The following ARHGEF3 variants were observed in gnomAD, a reference collection of about 807,000 sequenced individuals.
The protein encoded by ARHGEF3 is Rho guanine nucleotide exchange factor 3, also known as 59.8 kDA protein.
Under a neutral mutation model 63.2 loss-of-function variants are expected in ARHGEF3, and 28 were observed. The observed-to-expected ratio is 0.44, with a 90% CI of 0.33 to 0.61. The LOEUF (loss-of-function observed/expected upper bound fraction) is 0.61, where lower values mean the gene tolerates loss of function less well. Among genes scored for constraint, ARHGEF3 ranks in the 20% least tolerant of loss-of-function variants. The pLI, the probability that ARHGEF3 is intolerant of heterozygous loss-of-function variation, is 0.03. For missense variants in ARHGEF3, 533 were observed against 659.3 expected (o/e 0.81, Z 2.10); for synonymous variants, 266 against 254.2 (o/e 1.05, Z -0.44).
At chr3:57,065,879 C>T (rs1433304399) in intron 1 of ARHGEF3, among the ~76,000 whole-genome samples, 1 of 152,080 alleles carries the variant, frequency 6.6e-6, no homozygotes, top group Non-Finnish European at 1.5e-5. Flanking sequence ...ATAAATGGCA[C>T]CTTTTACTTA....
At chr3:57,036,930 C>T (rs1286355457) in intron 1 of ARHGEF3, among the ~76,000 whole-genome samples, 5 of 152,200 alleles carry the variant, frequency 3.3e-5, no homozygotes, top group Non-Finnish European at 7.3e-5. Flanking sequence ...GATAAATTCT[C>T]CAATCTAGGT....
At chr3:56,784,660 C>T (rs920236546) in intron 1 of ARHGEF3, among the ~76,000 whole-genome samples, 6 of 152,200 alleles carry the variant, frequency 3.9e-5, no homozygotes, top group African/African-American at 1.4e-4. Context: ...ACTGGAGTTC[C>T]ATTCCTGCTT....
At chr3:56,981,867 C>T (rs778838048) in intron 2 of ARHGEF3, among the ~76,000 whole-genome samples, 13 of 152,188 alleles carry the variant, frequency 8.5e-5, no homozygotes, top group Non-Finnish European at 1.8e-4. Flanking sequence ...AGTCCCCATT[C>T]TTCTGCTAAC....
At position 56,895,377 on chromosome 3, in the gene ARHGEF3, C is replaced by T. The variant is rs529274900; in HGVS notation, c.130-13023G>A. On this transcript the variant is annotated intron_variant, in intron 3 of 12. Coordinates refer to the ARHGEF3 transcript ENST00000338458. ...CCTTTGTCATAGAAATGGTCCATGG[C>T]TGCTCCCGAGGCTCCAGTTGCCTCC... Among the ~76,000 whole-genome samples the T allele has an allele frequency of 3.9e-5, 6 of 152,290 alleles. No individual in the cohort carries two copies. The East Asian group carries it at 1.2e-3, about 29-fold the overall frequency.
intron 1 of ARHGEF3, among the ~76,000 whole-genome samples, chr3:57,035,650 G>A (rs1488367568): frequency 6.6e-6 from 1 of 152,186 alleles, no homozygotes; most frequent in Non-Finnish European, 1.5e-5. Flanking sequence ...CGCTCCGCCA[G>A]GTACCACATT....
At chr3:56,907,226 C>T (rs969448806) in intron 3 of ARHGEF3, among the ~76,000 whole-genome samples, 1 of 152,098 alleles carries the variant, frequency 6.6e-6, no homozygotes, top group African/African-American at 2.4e-5. Context: ...GGTGATCCAC[C>T]CGCCTCAGTC....
At chr3:56,884,437 G>T (rs1156261636) in intron 3 of ARHGEF3, among the ~76,000 whole-genome samples, 3 of 152,166 alleles carry the variant, frequency 2.0e-5, no homozygotes, top group Non-Finnish European at 4.4e-5. Flanking sequence ...AAATTCCAAA[G>T]GTCAATATGG....
chr3:57,057,603 T>A (rs1385322432), intron 1 of ARHGEF3, among the ~76,000 whole-genome samples: 2 of 151,816 alleles, frequency 1.3e-5, no homozygotes, highest in African/African-American at 4.8e-5. Context: ...CCAGGGTAAG[T>A]CACACCCACA....
chr3:56,797,432 C>T (rs2037431309), intron 1 of ARHGEF3, among the ~76,000 whole-genome samples: 2 of 152,262 alleles, frequency 1.3e-5, no homozygotes, highest in Middle Eastern at 3.4e-3. Flanking sequence ...TGGGTAGCTC[C>T]GTGTGGCTTC....
chr3:56,949,510 T>C (rs1239945480), intron 3 of ARHGEF3, among the ~76,000 whole-genome samples: 2 of 151,998 alleles, frequency 1.3e-5, no homozygotes, highest in Non-Finnish European at 1.5e-5. Flanking sequence ...AGCCAAATCA[T>C]GAGTGAACTC....
At chr3:56,774,469 T>C (rs1207567948) in intron 1 of ARHGEF3, among the ~76,000 whole-genome samples, 1 of 152,196 alleles carries the variant, frequency 6.6e-6, no homozygotes, top group Non-Finnish European at 1.5e-5. Flanking sequence ...GTTTCTATAC[T>C]ATATATAGCC....
At chr3:56,987,724 C>G (rs539631346) in intron 2 of ARHGEF3, among the ~76,000 whole-genome samples, 10 of 152,266 alleles carry the variant, frequency 6.6e-5, no homozygotes, top group Admixed American at 2.0e-4. Context: ...CCTCACTCCC[C>G]CTACCGTGCA....
chr3:56,795,977 T>TAA (rs10707991), intron 1 of ARHGEF3, among the ~76,000 whole-genome samples: 7 of 143,824 alleles, frequency 4.9e-5, no homozygotes, highest in East Asian at 2.0e-4. Context: ...GTCAACTAAT[T>TAA]AAAAAAAAAA....
At chr3:56,820,721 GA>G (rs2038455564) in intron 4 of ARHGEF3, among the ~76,000 whole-genome samples, 2 of 152,184 alleles carry the variant, frequency 1.3e-5, no homozygotes. Flanking sequence ...ACGTCTTTGA[GA>G]CAAATTAACA....
Position 57,074,375 on chromosome 3 carries a change from GC to G in ARHGEF3, c.-28+4850del, listed in dbSNP as rs1202808298. ...CCACCCCCACCAGGGGTGACTCGTA[GC>G]CATCCCTTTCTGCATCTTCTTAGAT... On this transcript the variant is annotated intron_variant, in intron 1 of 12. Transcript: ENST00000338458. 5 of 952,210 alleles carry G rather than the reference GC, an allele frequency of 5.3e-6. No individual in the cohort carries two copies. In the East Asian group the frequency reaches 1.2e-4, roughly 23 times the overall value. 59.0% of individuals were successfully genotyped at this position (952,210 alleles called of 1,614,324 possible).
chr3:57,054,341 G>T lies in ARHGEF3; in HGVS notation c.-27-19165C>A, dbSNP rs573564676. Among the ~76,000 whole-genome samples, 4 of 151,950 alleles carry T rather than the reference G, an allele frequency of 2.6e-5. No individual in the cohort carries two copies. In the South Asian group the frequency reaches 8.3e-4, roughly 32 times the overall value. ...CAAGTCTTTTATCCTTTTAAAATTG[G>T]GTTGTCAGGTAGGTACGGTGGCTCA... On this transcript the variant is annotated intron_variant, in intron 1 of 12. Transcript: ENST00000338458.
intron 3 of ARHGEF3, among the ~76,000 whole-genome samples, chr3:56,942,522 C>T (rs1048848117): frequency 6.6e-6 from 1 of 152,118 alleles, no homozygotes; most frequent in Non-Finnish European, 1.5e-5. Context: ...CTCTCCCTCT[C>T]CTCAGGCTTC....
chr3:56,801,051 T>C lies in ARHGEF3; in HGVS notation c.96+652A>G, dbSNP rs6787943. Among the ~76,000 whole-genome samples, 1,006 of 152,316 alleles carry C rather than the reference T, an allele frequency of 6.6e-3. 10 individuals are homozygous for C. The highest frequency in any genetic ancestry group is 0.022 in the African/African-American group (932 of 41,574). On this transcript the variant is annotated intron_variant, in intron 1 of 9. Coordinates refer to ENST00000296315, the MANE Select transcript of ARHGEF3 (RefSeq NM_019555.3). ...TTCCCAGAAAGAGAAATGTTTCCAA[T>C]GTTCCAAGGCAGCTTTCCATTGACC...
chr3:56,844,579 T>A (rs1385114467), intron 4 of ARHGEF3, among the ~76,000 whole-genome samples: 1 of 152,080 alleles, frequency 6.6e-6, no homozygotes, highest in African/African-American at 2.4e-5. Flanking sequence ...GCCACCAGGA[T>A]TCCAGCCAAC....
Sources: allele counts gnomAD v4.1 joint callset (sites outside exome capture counted in the v4.1 genomes callset), GRCh38; gene constraint gnomAD v4.1.1; transcripts MANE v1.5; gene names NCBI Gene and HGNC (gene_info 2026-07-23, HGNC 2026-07-21).